ADGRB3: variants seen among roughly 807,000 people sequenced by gnomAD.
ADGRB3 encodes the protein brain-specific angiogenesis inhibitor 3.
In ADGRB3, 37 loss-of-function variants were observed where a neutral mutation model predicts 193.4. That is an observed-to-expected ratio of 0.19 (90% CI 0.15 to 0.25). ADGRB3 has a LOEUF of 0.25. ADGRB3 is among the 10% of genes least tolerant of loss of function. The pLI, the probability that ADGRB3 is intolerant of heterozygous loss-of-function variation, is 1.00. For missense variants in ADGRB3, 1,637 were observed against 1,852.9 expected (o/e 0.88, Z 2.14); for synonymous variants, 690 against 644.2 (o/e 1.07, Z -1.08).
At chr6:69,124,057 A>G (rs1773789097) in intron 17 of ADGRB3, among the ~76,000 whole-genome samples, 1 of 151,576 alleles carries the variant, frequency 6.6e-6, no homozygotes, top group Non-Finnish European at 1.5e-5. Context: ...TAGAGGCATC[A>G]TTGACCCCAA....
intron 3 of ADGRB3, among the ~76,000 whole-genome samples, chr6:68,883,877 A>C (rs773481592): frequency 6.6e-6 from 1 of 152,228 alleles, no homozygotes; most frequent in Non-Finnish European, 1.5e-5. Flanking sequence ...AGTTACAACT[A>C]TATGTATCTC....
At chr6:68,665,132 C>T (rs1768770196) in intron 3 of ADGRB3, among the ~76,000 whole-genome samples, 1 of 151,616 alleles carries the variant, frequency 6.6e-6, no homozygotes, top group Non-Finnish European at 1.5e-5. Flanking sequence ...TGAAGGACCA[C>T]TCTTTATCAT....
intron 13 of ADGRB3, among the ~76,000 whole-genome samples, chr6:69,022,666 A>G (rs960105000): frequency 5.3e-5 from 8 of 151,998 alleles, no homozygotes; most frequent in African/African-American, 1.9e-4. Context: ...TTTTACATTA[A>G]CTACAGTGTA....
At chr6:68,714,591 A>G (rs889267729) in intron 3 of ADGRB3, among the ~76,000 whole-genome samples, 4 of 151,866 alleles carry the variant, frequency 2.6e-5, no homozygotes, top group Non-Finnish European at 4.4e-5. Context: ...TCTAAAAAGT[A>G]TATGTAATGA....
At chr6:69,076,212 A>G (rs1582442699) in intron 17 of ADGRB3, among the ~76,000 whole-genome samples, 174 bp downstream of exon 17, 1 of 152,116 alleles carries the variant, frequency 6.6e-6, no homozygotes, top group East Asian at 1.9e-4. Context: ...TTTGTGTGTA[A>G]TGATGCCATC....
chr6:68,866,173 G>A (rs1765293727), intron 3 of ADGRB3, among the ~76,000 whole-genome samples: 1 of 152,172 alleles, frequency 6.6e-6, no homozygotes, highest in African/African-American at 2.4e-5. Flanking sequence ...CAAATCTCAT[G>A]TCAAACTGTA....
intron 3 of ADGRB3, among the ~76,000 whole-genome samples, chr6:68,779,767 A>G (rs1766819348): frequency 6.6e-6 from 1 of 152,096 alleles, no homozygotes; most frequent in South Asian, 2.1e-4. Context: ...GCTACAGATG[A>G]TGTGCTCCTG....
intron 3 of ADGRB3, among the ~76,000 whole-genome samples, chr6:68,724,473 A>T (rs1477754488): frequency 6.6e-6 from 1 of 151,622 alleles, no homozygotes; most frequent in East Asian, 1.9e-4. Context: ...GAAAACAAAC[A>T]TTTCTGCTTC....
chr6:68,718,575 C>G (rs1370375741), intron 3 of ADGRB3, among the ~76,000 whole-genome samples: 1 of 151,740 alleles, frequency 6.6e-6, no homozygotes, highest in Admixed American at 6.6e-5. Context: ...TCCCTTCTCT[C>G]CATATTTACT....
chr6:68,780,162 G>A (rs1416335409), intron 3 of ADGRB3, among the ~76,000 whole-genome samples: 1 of 152,008 alleles, frequency 6.6e-6, no homozygotes, highest in Non-Finnish European at 1.5e-5. Context: ...AATAGATTTA[G>A]AAGTTCATTC....
chr6:69,108,737 G>T (rs1773287387), intron 17 of ADGRB3, among the ~76,000 whole-genome samples: 3 of 152,126 alleles, frequency 2.0e-5, no homozygotes, highest in Admixed American at 6.5e-5. Context: ...TCCAGGAAAA[G>T]ATTTGGAAAA....
At chr6:69,330,150 AATCC>A (rs1371594679) in intron 22 of ADGRB3, among the ~76,000 whole-genome samples, 1 of 152,188 alleles carries the variant, frequency 6.6e-6, no homozygotes, top group African/African-American at 2.4e-5. Flanking sequence ...CATTTGAAAA[AATCC>A]ATAATGGATA....
At chr6:68,954,830 G>A (rs932834703) in intron 6 of ADGRB3, among the ~76,000 whole-genome samples, 4 of 151,720 alleles carry the variant, frequency 2.6e-5, no homozygotes, top group South Asian at 2.1e-4. Flanking sequence ...ACAGGCGCCC[G>A]CCACCATACC....
At chr6:68,772,887 A>AT (rs1766654028) in intron 3 of ADGRB3, among the ~76,000 whole-genome samples, 13 of 48,278 alleles carry the variant, frequency 2.7e-4, no homozygotes, top group Admixed American at 5.0e-4. Flanking sequence ...ACAAACAAAA[A>AT]AAAAAAAATA....
intron 28 of ADGRB3, among the ~76,000 whole-genome samples, chr6:69,356,251 A>G (rs1264752888): frequency 6.6e-6 from 1 of 152,154 alleles, no homozygotes; most frequent in African/African-American, 2.4e-5. Flanking sequence ...TATGATTTGT[A>G]CAATAACATC....
At chr6:68,885,915 A>G (rs138538949) in intron 3 of ADGRB3, among the ~76,000 whole-genome samples, 9 of 152,222 alleles carry the variant, frequency 5.9e-5, no homozygotes, top group African/African-American at 2.2e-4. Context: ...AGCTTATGTA[A>G]TGGATATGAA....
At chr6:68,876,173 A>G (rs2150222282) in intron 3 of ADGRB3, among the ~76,000 whole-genome samples, 1 of 152,302 alleles carries the variant, frequency 6.6e-6, no homozygotes, top group South Asian at 2.1e-4. Flanking sequence ...CGTCCTGTCT[A>G]GTTATTACTA....
At chr6:69,258,373 T>A (rs1338927927) in intron 20 of ADGRB3, among the ~76,000 whole-genome samples, 3 of 152,210 alleles carry the variant, frequency 2.0e-5, no homozygotes, top group Non-Finnish European at 4.4e-5. Context: ...TTCCATAGAA[T>A]ACTGACAGAG....
At chr6:68,884,369 C>T (rs560442117) in intron 3 of ADGRB3, among the ~76,000 whole-genome samples, 1 of 152,030 alleles carries the variant, frequency 6.6e-6, no homozygotes, top group Non-Finnish European at 1.5e-5. Flanking sequence ...GCAAAGACAT[C>T]ATGGAGGGTG....
Sources: gnomAD v4.1 joint callset for allele counts (sites outside exome capture counted in the v4.1 genomes callset) on GRCh38, gnomAD v4.1.1 for gene constraint, MANE v1.5 for transcripts, NCBI Gene and HGNC (gene_info 2026-07-23, HGNC 2026-07-21) for gene names.